RBFOX1: variants seen among roughly 807,000 people sequenced by gnomAD.
The protein encoded by RBFOX1 is RNA binding protein fox-1 homolog 1.
RBFOX1 carries 8 observed loss-of-function variants against 57.7 expected under a neutral mutation model. The observed-to-expected ratio is 0.14, with a 90% CI of 0.08 to 0.25. The LOEUF is 0.25. RBFOX1 is among the 10% of genes least tolerant of loss of function. The pLI, the probability that RBFOX1 is intolerant of heterozygous loss-of-function variation, is 1.00. For synonymous variants in RBFOX1, 326 were observed against 222.4 expected (o/e 1.47, Z -4.15); for missense variants, 611 against 548.5 (o/e 1.11, Z -1.14).
In RBFOX1 at chr16:5,558,422, C is replaced by G. The variant is rs1352383907; in HGVS notation, c.259-40480C>G. Reference sequence around the variant, plus strand: ...AAGTTCCCCTTAGAGGTCTGAGCATCGAGGAGACTGAAGGAGCGAGCCACA... The same window carrying G: ...AAGTTCCCCTTAGAGGTCTGAGCATGGAGGAGACTGAAGGAGCGAGCCACA... On this transcript the variant is annotated intron_variant, in intron 2 of 2. Transcript: ENST00000585867. Among the ~76,000 whole-genome samples, 6 of 152,064 alleles carry G rather than the reference C, an allele frequency of 3.9e-5. No individual in the cohort carries two copies. The East Asian group carries it at 9.7e-4, about 25-fold the overall frequency.
At chr16:6,992,172 T>C (rs1568265108) in intron 3 of RBFOX1, among the ~76,000 whole-genome samples, 1 of 150,804 alleles carries the variant, frequency 6.6e-6, no homozygotes, top group African/African-American at 2.4e-5. Context: ...AGCAATTTTT[T>C]GTTTTTTTTG....
intron 2 of RBFOX1, among the ~76,000 whole-genome samples, chr16:5,529,034 T>G (rs1444917642): frequency 6.6e-6 from 1 of 152,058 alleles, no homozygotes; most frequent in African/African-American, 2.4e-5. Flanking sequence ...CTCTCCCTTC[T>G]TGGACCTCCT....
intron 1 of RBFOX1, among the ~76,000 whole-genome samples, chr16:5,381,940 A>G (rs1018311218): frequency 3.9e-5 from 6 of 152,208 alleles, no homozygotes; most frequent in Non-Finnish European, 7.4e-5. Context: ...GGTGTCTGTC[A>G]TGTGCTTGTG....
intron 14 of RBFOX1, among the ~76,000 whole-genome samples, chr16:7,695,458 G>C (rs1216255291): frequency 2.0e-5 from 3 of 151,992 alleles, no homozygotes; most frequent in African/African-American, 7.2e-5. Context: ...TCTAAGACCA[G>C]CCTGGCCAAC....
intron 4 of RBFOX1, among the ~76,000 whole-genome samples, chr16:7,234,174 G>A (rs2093650849): frequency 6.6e-6 from 1 of 152,076 alleles, no homozygotes; most frequent in Non-Finnish European, 1.5e-5. Flanking sequence ...GCTCACGGCA[G>A]GCAATCAAGC....
At chr16:6,299,765 G>T (rs201451118) in intron 1 of RBFOX1, among the ~76,000 whole-genome samples, 2 of 152,160 alleles carry the variant, frequency 1.3e-5, no homozygotes. Flanking sequence ...AGTTAAAGGC[G>T]TGGCTGTCCT....
chr16:6,908,149 C>T (rs948282266), intron 3 of RBFOX1, among the ~76,000 whole-genome samples: 4 of 151,702 alleles, frequency 2.6e-5, no homozygotes, highest in African/African-American at 4.8e-5. Context: ...AATTCAGCTC[C>T]TAACAATCTA....
intron 4 of RBFOX1, among the ~76,000 whole-genome samples, chr16:7,423,188 C>G (rs1315519033): frequency 6.6e-6 from 1 of 151,932 alleles, no homozygotes; most frequent in Non-Finnish European, 1.5e-5. Context: ...ATAGACTTGG[C>G]CTTCTTTTAG....
At chr16:6,444,094 G>T (rs1005393885) in intron 2 of RBFOX1, among the ~76,000 whole-genome samples, 1 of 152,178 alleles carries the variant, frequency 6.6e-6, no homozygotes, top group African/African-American at 2.4e-5. Flanking sequence ...AAATGAGGAA[G>T]TTATTCTTGT....
chr16:5,810,700 C>A (rs1039308268), intron 3 of RBFOX1, among the ~76,000 whole-genome samples: 1 of 152,192 alleles, frequency 6.6e-6, no homozygotes, highest in African/African-American at 2.4e-5. Flanking sequence ...ATACAATAAA[C>A]CCAGACTTCC....
At chr16:6,155,328 A>G (rs78977201) in intron 1 of RBFOX1, among the ~76,000 whole-genome samples, 57 of 152,278 alleles carry the variant, frequency 3.7e-4, no homozygotes, top group Middle Eastern at 3.4e-3. Context: ...AGCGCCGTGG[A>G]GCTGTGCACT....
intron 3 of RBFOX1, among the ~76,000 whole-genome samples, chr16:6,759,473 C>CTCTGTGTGTG (rs758046729): frequency 6.3e-5 from 9 of 143,188 alleles, no homozygotes; most frequent in African/African-American, 2.1e-4. Context: ...TGTCAGTTGT[C>CTCTGTGTGTG]TGTGTGTGTG....
At chr16:5,896,887 T>A (rs970046035) in intron 4 of RBFOX1, among the ~76,000 whole-genome samples, 1 of 152,138 alleles carries the variant, frequency 6.6e-6, no homozygotes, top group Admixed American at 6.5e-5. Flanking sequence ...CCCATTTTCT[T>A]CTGCTTTTGA....
intron 2 of RBFOX1, among the ~76,000 whole-genome samples, chr16:5,520,626 A>G (rs1403646553): frequency 6.6e-6 from 1 of 152,178 alleles, no homozygotes; most frequent in Non-Finnish European, 1.5e-5. Context: ...TATGTGGTAG[A>G]TTATATTCTT....
At chr16:6,761,552 G>C (rs530489334) in intron 3 of RBFOX1, among the ~76,000 whole-genome samples, 4 of 110,364 alleles carry the variant, frequency 3.6e-5, no homozygotes, top group Admixed American at 1.4e-4. Flanking sequence ...CTGTCACCCA[G>C]GCTGGAGTGC....
chr16:5,934,006 C>G (rs2059120796), intron 4 of RBFOX1, among the ~76,000 whole-genome samples: 1 of 152,058 alleles, frequency 6.6e-6, no homozygotes, highest in Non-Finnish European at 1.5e-5. Flanking sequence ...TTCATGAGTT[C>G]TCATCATTTA....
At chr16:6,762,809 A>G (rs1401711545) in intron 3 of RBFOX1, among the ~76,000 whole-genome samples, 4 of 152,198 alleles carry the variant, frequency 2.6e-5, no homozygotes, top group Non-Finnish European at 5.9e-5. Context: ...AGGCAATTGC[A>G]AAATAAAAAC....
chr16:6,730,366 T>C (rs1447689812), intron 3 of RBFOX1, among the ~76,000 whole-genome samples: 4 of 151,286 alleles, frequency 2.6e-5, no homozygotes, highest in Non-Finnish European at 5.9e-5. Flanking sequence ...GCAGTAAGCA[T>C]GTGGAATCTC....
intron 4 of RBFOX1, among the ~76,000 whole-genome samples, chr16:7,362,766 C>G (rs1596470414): frequency 6.6e-6 from 1 of 151,960 alleles, no homozygotes; most frequent in Non-Finnish European, 1.5e-5. Flanking sequence ...GTGTATGTTT[C>G]TGTGCGTATA....
Sources: allele counts gnomAD v4.1 joint callset (sites outside exome capture counted in the v4.1 genomes callset), GRCh38; gene constraint gnomAD v4.1.1; transcripts MANE v1.5; gene names NCBI Gene and HGNC (gene_info 2026-07-23, HGNC 2026-07-21).